RASAL2: variants seen among roughly 807,000 people sequenced by gnomAD.
The protein encoded by RASAL2 is ras GTPase-activating protein nGAP.
Under a neutral mutation model 128.9 loss-of-function variants are expected in RASAL2, and 58 were observed. That is an observed-to-expected ratio of 0.45 (90% CI 0.36 to 0.56). RASAL2 has a LOEUF of 0.56. RASAL2 is among the 20% of genes least tolerant of loss of function. The pLI, the probability that RASAL2 is intolerant of heterozygous loss-of-function variation, is 0.00. For missense variants in RASAL2, 1,360 were observed against 1,601.6 expected, an observed-to-expected ratio of 0.85 and a Z score of 2.57; for synonymous variants, 561 against 580.8, an observed-to-expected ratio of 0.97 and a Z score of 0.49.
intron 1 of RASAL2, among the ~76,000 whole-genome samples, chr1:178,218,591 G>A (rs1475382924): frequency 6.6e-6 from 1 of 152,216 alleles, no homozygotes; most frequent in African/African-American, 2.4e-5. Flanking sequence ...AGAGGCTGAG[G>A]CAGGAGAATT....
intron 3 of RASAL2, among the ~76,000 whole-genome samples, chr1:178,329,017 A>G (rs1669168929): frequency 6.6e-6 from 1 of 152,114 alleles, no homozygotes; most frequent in South Asian, 2.1e-4. Flanking sequence ...CATTCCTCAA[A>G]TATATATTTT....
At chr1:178,214,802 C>T (rs1663371910) in intron 1 of RASAL2, among the ~76,000 whole-genome samples, 5 of 152,070 alleles carry the variant, frequency 3.3e-5, no homozygotes, top group African/African-American at 9.7e-5. Context: ...TCGTGATCTG[C>T]CCGCCTCGGC....
At chr1:178,444,804 A>G (rs751457002) in intron 8 of RASAL2, among the ~76,000 whole-genome samples, 5 of 152,192 alleles carry the variant, frequency 3.3e-5, no homozygotes, top group Non-Finnish European at 7.3e-5. Flanking sequence ...TAAGTATTAT[A>G]TATTGAACAC....
intron 3 of RASAL2, among the ~76,000 whole-genome samples, chr1:178,360,820 G>A (rs1396277796): frequency 6.6e-6 from 1 of 152,180 alleles, no homozygotes; most frequent in Non-Finnish European, 1.5e-5. Flanking sequence ...TGCTGGCAAT[G>A]TTTGGTGTTC....
chr1:178,321,135 G>T (rs1173613132), intron 3 of RASAL2, among the ~76,000 whole-genome samples: 1 of 152,176 alleles, frequency 6.6e-6, no homozygotes, highest in Non-Finnish European at 1.5e-5. Context: ...CCAGGCTGGA[G>T]TGCAGTGGCT....
intron 3 of RASAL2, among the ~76,000 whole-genome samples, chr1:178,321,410 C>T (rs2102336007): frequency 6.6e-6 from 1 of 152,200 alleles, no homozygotes; most frequent in South Asian, 2.1e-4. Context: ...ATAATTTTTT[C>T]AATACCCTGA....
rs1440630026 is a variant in RASAL2, at chr1:178,458,096, C to A, written c.2804C>A (p.Ala935Glu). The change falls in exon 14 of 18, where the codon GCA becomes GAA. Residue 935 changes from alanine to glutamate, a missense_variant. Physicochemically the swap from Ala to Glu is moderately radical, Grantham distance 107. This residue lies in a region of RASAL2 where 741 missense variants were observed against 868.6 expected (regional missense o/e 0.85). Transcript: ENST00000367649. ...TATCACCTCAATAACCCAATTCCAG[C>A]AATGCCAAAGGCCTCTATAGATTCC... ...PVYHLNNPIP[A>E]MPKASIDSSL... The A allele has an allele frequency of 1.2e-6, 2 of 1,614,068 alleles. No homozygotes were observed. The highest frequency in any genetic ancestry group is 2.2e-5 in the East Asian group (1 of 44,894).
intron 17 of RASAL2, among the ~76,000 whole-genome samples, chr1:178,469,598 G>GT (rs1291331207): frequency 1.3e-5 from 2 of 152,172 alleles, no homozygotes; most frequent in African/African-American, 4.8e-5. Flanking sequence ...TCCTCAAACC[G>GT]TAAGTCACTG....
chr1:178,168,491 A>C lies in RASAL2; in HGVS notation c.202+73797A>C, dbSNP rs547274725. Among the ~76,000 whole-genome samples, 4 of 152,182 alleles carry C rather than the reference A, an allele frequency of 2.6e-5. No homozygotes were observed. In the South Asian group the frequency reaches 6.2e-4, roughly 24 times the overall value. On this transcript the variant is annotated intron_variant, in intron 1 of 17. Transcript: ENST00000367649. ...TCATGAAGGTTTGAAGTTTGTAATC[A>C]GAAGTTTTTACTGGTAATCTATGAG...
chr1:178,160,856 T>C (rs187026359), intron 1 of RASAL2, among the ~76,000 whole-genome samples: 2 of 152,274 alleles, frequency 1.3e-5, no homozygotes, highest in East Asian at 1.9e-4. Context: ...AGAGAGCGTA[T>C]TTAAACTGGG....
chr1:178,109,612 C>G (rs1659222546), intron 1 of RASAL2, among the ~76,000 whole-genome samples: 1 of 152,158 alleles, frequency 6.6e-6, no homozygotes, highest in South Asian at 2.1e-4. Flanking sequence ...AAATTTAACT[C>G]CATTTCTTAC....
chr1:178,304,956 A>C (rs1667923509), intron 3 of RASAL2, among the ~76,000 whole-genome samples: 1 of 152,226 alleles, frequency 6.6e-6, no homozygotes, highest in Non-Finnish European at 1.5e-5. Flanking sequence ...CAGTAAAGTT[A>C]CAGGATACCA....
chr1:178,190,754 C>A (rs975801388), intron 1 of RASAL2, among the ~76,000 whole-genome samples: 1 of 151,510 alleles, frequency 6.6e-6, no homozygotes, highest in Non-Finnish European at 1.5e-5. Context: ...AAAAAAATCC[C>A]CTATATGTAG....
At chr1:178,229,194 TATG>T (rs1244256821) in intron 1 of RASAL2, among the ~76,000 whole-genome samples, 2 of 152,224 alleles carry the variant, frequency 1.3e-5, no homozygotes, top group South Asian at 2.1e-4. Context: ...ACCTTAAGAA[TATG>T]ATAACTTTCT....
chr1:178,347,450 G>A (rs1045015628), intron 3 of RASAL2, among the ~76,000 whole-genome samples: 7 of 151,974 alleles, frequency 4.6e-5, no homozygotes, highest in South Asian at 2.1e-4. Flanking sequence ...AAATTTTAAC[G>A]TTTGATCATA....
At chr1:178,163,846 G>A (rs1661421795) in intron 1 of RASAL2, among the ~76,000 whole-genome samples, 1 of 152,040 alleles carries the variant, frequency 6.6e-6, no homozygotes, top group African/African-American at 2.4e-5. Context: ...TGTTTAATTT[G>A]TAGATCAATT....
chr1:178,235,150 G>C (rs1664175568), intron 1 of RASAL2, among the ~76,000 whole-genome samples: 1 of 152,246 alleles, frequency 6.6e-6, no homozygotes, highest in East Asian at 1.9e-4. Flanking sequence ...TTGTATGTCT[G>C]TTTCCTTGCC....
intron 2 of RASAL2, among the ~76,000 whole-genome samples, chr1:178,287,319 C>T (rs1667074483): frequency 6.6e-6 from 1 of 151,914 alleles, no homozygotes; most frequent in Non-Finnish European, 1.5e-5. Context: ...AACATTTTCC[C>T]ACTTCAGTTA....
intron 1 of RASAL2, among the ~76,000 whole-genome samples, chr1:178,246,731 G>A (rs931649127): frequency 1.1e-4 from 16 of 152,078 alleles, no homozygotes; most frequent in Non-Finnish European, 1.8e-4. Flanking sequence ...ATTATTTTGA[G>A]ATATGTTCCA....
Sources: gnomAD v4.1 joint callset for allele counts (sites outside exome capture counted in the v4.1 genomes callset) on GRCh38, gnomAD v4.1.1 for gene constraint, gnomAD v4.1.1 regional missense constraint, MANE v1.5 for transcripts, NCBI Gene and HGNC (gene_info 2026-07-23, HGNC 2026-07-21) for gene names.